The following SYNDIG1L variants were observed in gnomAD, a reference collection of about 807,000 sequenced individuals.
SYNDIG1L encodes the protein synapse differentiation inducing 1 like.
In SYNDIG1L, 13 loss-of-function variants were observed where a neutral mutation model predicts 20.1. That is an observed-to-expected ratio of 0.65 (90% CI 0.42 to 1.03). The LOEUF (loss-of-function observed/expected upper bound fraction) is 1.03, where lower values mean the gene tolerates loss of function less well. Ranked by LOEUF, SYNDIG1L falls within the 50% of genes least tolerant of loss-of-function variation. The pLI is 0.00. For missense variants in SYNDIG1L, 294 were observed against 305.1 expected (o/e 0.96, Z 0.27); for synonymous variants, 128 against 129.3 (o/e 0.99, Z 0.07).
At chr14:74,441,902 T>C in the SYNDIG1L span, among the ~76,000 whole-genome samples, 1 of 152,282 alleles carries the variant, frequency 6.6e-6, no homozygotes. Context: ...GGAACTGGTG[T>C]CCTTAGAAAG....
chr14:74,432,180 T>TGTGTGAGAGAGA, the SYNDIG1L span, among the ~76,000 whole-genome samples: 2 of 124,072 alleles, frequency 1.6e-5, no homozygotes, highest in Non-Finnish European at 3.3e-5. Flanking sequence ...TGTGTGTGTG[T>TGTGTGAGAGAGA]GAGAGAGAGA....
chr14:74,471,601 CACACACACACACACAT>C, the SYNDIG1L span, among the ~76,000 whole-genome samples: 2 of 151,710 alleles, frequency 1.3e-5, no homozygotes, highest in African/African-American at 2.4e-5. Flanking sequence ...CTATCTCACA[CACACACACACACACAT>C]ACACACACAC....
chr14:74,434,943 C>T, the SYNDIG1L span, among the ~76,000 whole-genome samples: 4 of 148,550 alleles, frequency 2.7e-5, no homozygotes, highest in South Asian at 2.1e-4. Flanking sequence ...ATTAGCCGGG[C>T]GTGGTGGTGG....
At chr14:74,438,108 T>C in the SYNDIG1L span, among the ~76,000 whole-genome samples, 3 of 152,220 alleles carry the variant, frequency 2.0e-5, no homozygotes, top group African/African-American at 4.8e-5. Flanking sequence ...CTGTATGCTA[T>C]ATAAAATCCT....
upstream of SYNDIG1L, among the ~76,000 whole-genome samples, chr14:74,426,423 C>T (rs1028013361): frequency 6.6e-6 from 1 of 152,112 alleles, no homozygotes; most frequent in Non-Finnish European, 1.5e-5. Context: ...TACCCGCTTC[C>T]TGGAGCCGAG....
the SYNDIG1L span, among the ~76,000 whole-genome samples, chr14:74,434,837 T>C: frequency 6.6e-6 from 1 of 151,334 alleles, no homozygotes; most frequent in Non-Finnish European, 1.5e-5. Context: ...ATCCCAGCAC[T>C]TTGGGAGGCC....
chr14:74,424,800 G>A (rs1041645010), intron 1 of SYNDIG1L, among the ~76,000 whole-genome samples: 2 of 152,156 alleles, frequency 1.3e-5, no homozygotes, highest in Non-Finnish European at 1.5e-5. Flanking sequence ...TGTACAGGTG[G>A]CAAGCCTCCA....
At chr14:74,435,850 C>G in the SYNDIG1L span, among the ~76,000 whole-genome samples, 2 of 152,154 alleles carry the variant, frequency 1.3e-5, no homozygotes, top group Admixed American at 1.3e-4. Context: ...CTGCAGTTTG[C>G]TAGAGCCGTC....
the SYNDIG1L span, among the ~76,000 whole-genome samples, chr14:74,445,321 T>G: frequency 6.6e-6 from 1 of 152,152 alleles, no homozygotes; most frequent in Non-Finnish European, 1.5e-5. Flanking sequence ...TTAAAATATA[T>G]ATATAAATTA....
At chr14:74,460,571 C>T in the SYNDIG1L span, among the ~76,000 whole-genome samples, 1 of 152,214 alleles carries the variant, frequency 6.6e-6, no homozygotes. Flanking sequence ...CTGAGAAACC[C>T]TTGGCTTTTT....
At chr14:74,436,588 C>T in the SYNDIG1L span, among the ~76,000 whole-genome samples, 5 of 151,762 alleles carry the variant, frequency 3.3e-5, no homozygotes, top group South Asian at 2.1e-4. Context: ...GTGGCTCACA[C>T]GTGTAATCCC....
the SYNDIG1L span, among the ~76,000 whole-genome samples, chr14:74,437,807 A>G: frequency 5.3e-5 from 8 of 152,188 alleles, no homozygotes; most frequent in African/African-American, 1.7e-4. Flanking sequence ...GCTGAGTCCA[A>G]GATGTCAGCA....
At chr14:74,450,400 C>T in the SYNDIG1L span, among the ~76,000 whole-genome samples, 2 of 152,208 alleles carry the variant, frequency 1.3e-5, no homozygotes, top group African/African-American at 4.8e-5. Flanking sequence ...AAGTACAGAA[C>T]AATATCCTGC....
At chr14:74,431,515 T>A in the SYNDIG1L span, among the ~76,000 whole-genome samples, 7 of 152,132 alleles carry the variant, frequency 4.6e-5, no homozygotes, top group African/African-American at 1.7e-4. Context: ...CTTTTAATCC[T>A]CAAAATAATT....
chr14:74,423,442 A>G (rs1271394413), intron 1 of SYNDIG1L, among the ~76,000 whole-genome samples: 1 of 152,196 alleles, frequency 6.6e-6, no homozygotes, highest in Non-Finnish European at 1.5e-5. Flanking sequence ...GTGACTGTCC[A>G]TTAACTCCAG....
the SYNDIG1L span, among the ~76,000 whole-genome samples, chr14:74,478,038 T>C: frequency 6.6e-6 from 1 of 152,234 alleles, no homozygotes. Flanking sequence ...GTGTTCCCCT[T>C]TTGCTCTGAT....
rs748314798 is a variant in SYNDIG1L, at chr14:74,409,739, C to T, written c.6G>A (p.Glu2=). 17 of 1,446,396 alleles carry T rather than the reference C, an allele frequency of 1.2e-5. No individual in the cohort carries two copies. The highest frequency in any genetic ancestry group is 2.9e-5 in the African/African-American group (2 of 69,844). 89.6% of individuals were successfully genotyped at this position (1,446,396 alleles called of 1,614,324 possible). M[E]SLSELQNPLL... ...GCGGGTTCTGTAGTTCACTCAGACT[C>T]TCCATGGTTCTGGGGCAGCTGCTGG... Residue 2 remains glutamate, a synonymous_variant, in exon 2 of 4, where the codon GAG becomes GAA. Coordinates refer to ENST00000331628, the MANE Select transcript of SYNDIG1L (RefSeq NM_001105579.2).
In SYNDIG1L at chr14:74,409,333, C is replaced by G. The variant is rs746903250; in HGVS notation, c.412G>C (p.Glu138Gln). Reference protein sequence around the residue: ...LRDQEDDQEEEESDATSTESE... With the variant: ...LRDQEDDQEEQESDATSTESE... ...TTTTAACCTCATGCACTCACCTCCT[C>G]TTCCTCCTGGTCATCCTCCTGGTCC... The change falls in exon 2 of 4, where the codon GAG becomes CAG. Residue 138 changes from glutamate to glutamine, a missense_variant. Glu to Gln is a conservative substitution (Grantham distance 29). Coordinates refer to ENST00000331628, the MANE Select transcript of SYNDIG1L (RefSeq NM_001105579.2). The G allele has an allele frequency of 6.4e-7, 1 of 1,551,790 alleles. No individual in the cohort carries two copies. The highest frequency in any genetic ancestry group is 2.3e-5 in the East Asian group (1 of 42,762).
chr14:74,436,520 T>G, the SYNDIG1L span, among the ~76,000 whole-genome samples: 1 of 152,048 alleles, frequency 6.6e-6, no homozygotes, highest in African/African-American at 2.4e-5. Context: ...ATTACAGGTG[T>G]GAGCCACCAC....
Sources: allele counts gnomAD v4.1 joint callset (sites outside exome capture counted in the v4.1 genomes callset), GRCh38; gene constraint gnomAD v4.1.1; transcripts MANE v1.5; gene names NCBI Gene and HGNC (gene_info 2026-07-23, HGNC 2026-07-21).